The following MYO7B variants were observed in gnomAD, a reference collection of about 807,000 sequenced individuals.
MYO7B encodes the protein myosin VIIB.
In MYO7B, 212 loss-of-function variants were observed where a neutral mutation model predicts 259.7. The ratio of observed to expected loss-of-function variants is 0.82; its 90% CI spans 0.73 to 0.91. MYO7B has a LOEUF of 0.91. Among genes scored for constraint, MYO7B ranks in the 40% least tolerant of loss-of-function variants. MYO7B has a pLI of 0.00. For synonymous variants in MYO7B, 1,197 were observed against 1,166.4 expected, an observed-to-expected ratio of 1.03 and a Z score of -0.54; for missense variants, 2,732 against 2,813.5, an observed-to-expected ratio of 0.97 and a Z score of 0.66.
In MYO7B at chr2:127,607,307, G is replaced by C. The variant is rs1225555731; in HGVS notation, c.2526G>C (p.Leu842=). The C allele has an allele frequency of 6.4e-7, 1 of 1,551,422 alleles. No homozygotes were observed. The highest frequency in any genetic ancestry group is 1.2e-5 in the South Asian group (1 of 84,070). The part of the protein sequence containing the change: ...MRQRTVQLQA[L]CRGYLVRQQV... ...AGAGGACAGTCCAGCTGCAGGCCCT[G>C]TGCAGGGGATACCTGGTGCGCCAGC... The change falls in exon 21 of 48, where the codon CTG becomes CTC. Residue 842 remains leucine (L), a synonymous_variant. Coordinates refer to ENST00000409816, the MANE Select transcript of MYO7B (RefSeq NM_001393586.1). The surrounding 1 kb of genome is among the most constrained non-coding windows in gnomAD (Gnocchi z 4.4).
intron 16 of MYO7B, 44 bp from the exon 17 acceptor site, chr2:127,592,750 A>G (rs1466597792): frequency 7.0e-6 from 11 of 1,581,948 alleles, no homozygotes; most frequent in East Asian, 2.3e-5. Flanking sequence ...GGGTGGCTGG[A>G]AAGTGGGGCT....
intron 1 of MYO7B, among the ~76,000 whole-genome samples, chr2:127,558,582 T>C (rs562343841): frequency 5.3e-5 from 8 of 152,128 alleles, no homozygotes; most frequent in Non-Finnish European, 1.2e-4. Flanking sequence ...ATTGCAAAAA[T>C]GTGGAACCAG....
intron 18 of MYO7B, among the ~76,000 whole-genome samples, chr2:127,595,850 TC>T (rs1307206218): frequency 3.3e-5 from 5 of 152,220 alleles, no homozygotes; most frequent in African/African-American, 1.2e-4. Context: ...TGTTTTCCGT[TC>T]TTTTGCATTT....
chr2:127,567,880 G>C (rs1394581772), intron 5 of MYO7B, among the ~76,000 whole-genome samples: 1 of 152,154 alleles, frequency 6.6e-6, no homozygotes, highest in Non-Finnish European at 1.5e-5. Flanking sequence ...ACACAGCAGG[G>C]GAGAGGAAAG....
In MYO7B at chr2:127,634,698, G is replaced by C. The variant is rs1275419828; in HGVS notation, c.5713+15G>C. 6.2e-7 allele frequency: 1 copy of C among 1,601,518 alleles called. No individual in the cohort carries two copies. The highest frequency in any genetic ancestry group is 1.4e-5 in the African/African-American group (1 of 69,832). ...CCAGAAAGAAGGTGAGGAGGCCTCT[G>C]TGGAGCTGGGGGAGGGCGTGGCTGG... is the stretch of plus-strand genomic sequence containing the variant. On this transcript the variant is annotated intron_variant, in intron 42 of 47. Coordinates refer to ENST00000409816, the MANE Select transcript of MYO7B (RefSeq NM_001393586.1).
chr2:127,609,578 G>A lies in MYO7B; in HGVS notation c.2887G>A (p.Glu963Lys), dbSNP rs377086355. 3 of 1,613,996 alleles carry A rather than the reference G, an allele frequency of 1.9e-6. No individual in the cohort carries two copies. Among genetic ancestry groups the A allele is most frequent in the Middle Eastern group, 1.6e-4 (1 of 6,062 alleles). Residue 963 changes from glutamate to lysine, a missense_variant, in exon 23 of 48, where the codon GAG (glutamate) becomes AAG (lysine). This residue lies in a region of MYO7B where 1,906 missense variants were observed against 2,026.4 expected (regional missense o/e 0.94). Transcript: ENST00000409816. The surrounding 1 kb of genome is among the most constrained non-coding windows in gnomAD (Gnocchi z 6.9). ...DTVPMAEEPEEDVDGLAEYTF... is the reference protein window; with the variant it reads ...DTVPMAEEPEKDVDGLAEYTF... ...AGTCCCCATGGCGGAGGAGCCTGAG[G>A]AGGATGTGGATGGCCTGGCCGAGTA...
chr2:127,567,456 T>TG (rs1425681732), intron 5 of MYO7B, among the ~76,000 whole-genome samples: 1 of 152,148 alleles, frequency 6.6e-6, no homozygotes, highest in East Asian at 1.9e-4. Flanking sequence ...ACTCCCTGCC[T>TG]GGCCTGGCCT....
chr2:127,635,562 A>AGAGT, intron 43 of MYO7B, 160 bp from the exon 44 acceptor site: 1 of 800,080 alleles, frequency 1.2e-6, no homozygotes, highest in East Asian at 2.7e-5. Flanking sequence ...CCCTGCCCTG[A>AGAGT]CTCAGGGTCA....
chr2:127,631,062 C>A (rs1681472414), intron 36 of MYO7B, 144 bp from the exon 37 acceptor site: 1 of 1,376,332 alleles, frequency 7.3e-7, no homozygotes, highest in Non-Finnish European at 9.8e-7. Flanking sequence ...GCCTGGCCTT[C>A]CCAGGCCAGG....
chr2:127,634,453 G>T, intron 41 of MYO7B, 143 bp from the exon 42 acceptor site: 1 of 880,228 alleles, frequency 1.1e-6, no homozygotes, highest in Non-Finnish European at 1.8e-6. Context: ...AGCAGAGCCA[G>T]CTCCACACGC....
In MYO7B at chr2:127,633,248, TC is replaced by T. The variant is rs369735300; in HGVS notation, c.5406-5del. 2 of 1,601,154 alleles carry T rather than the reference TC, an allele frequency of 1.2e-6. No homozygotes were observed. The highest frequency in any genetic ancestry group is 1.7e-6 in the Non-Finnish European group (2 of 1,173,702). On this transcript the variant is annotated splice_polypyrimidine_tract_variant and intron_variant, in intron 39 of 47. Transcript: ENST00000409816. ...GGGGTGGCACCTGCAGCACACGCTG[TC>T]CCCCTCAGGACGGGGCCCCGGAAGC...
intron 14 of MYO7B, among the ~76,000 whole-genome samples, chr2:127,587,435 G>T (rs1333424248): frequency 6.6e-6 from 1 of 152,168 alleles, no homozygotes; most frequent in Non-Finnish European, 1.5e-5. Context: ...CAAGATCAAG[G>T]TGCTGGCAGG....
In MYO7B at chr2:127,628,625, C is replaced by T. The variant is rs1251139280; in HGVS notation, c.4624+90C>T. On this transcript the variant is annotated intron_variant, in intron 34 of 47. Transcript: ENST00000409816. This position sits in a 1 kb window ranked among gnomAD's most constrained non-coding sequence, Gnocchi z 4.8. ...TAGGTAGGTGGCATGCTCATCTCCA[C>T]ACAGCAGCCACAAGGCAAGCAGAGG... 2.3e-6 allele frequency: 3 copies of T among 1,327,354 alleles called. No homozygotes were observed. Among genetic ancestry groups the T allele is most frequent in the East Asian group, 2.5e-5 (1 of 39,630 alleles). 82.2% of individuals were successfully genotyped at this position (1,327,354 alleles called of 1,614,324 possible). A position where few individuals can be genotyped will look rare whatever the true frequency, so the allele number is the denominator to read the frequency against.
Position 127,620,454 on chromosome 2 carries a change from G to A in MYO7B, c.3513G>A (p.Glu1171=), listed in dbSNP as rs755742465. ...SLCLGCFPPS[E]RFMKYLLNFI... ...GCCTCGGCTGCTTCCCACCCTCAGA[G>A]AGGTTCATGAAGGTGAGAGGGTTCA... Residue 1171 remains glutamate, a synonymous_variant, in exon 27 of 48, where the codon GAG becomes GAA. Transcript: ENST00000409816. 2.6e-6 allele frequency: 4 copies of A among 1,550,374 alleles called. No homozygotes were observed. The highest frequency in any genetic ancestry group is 1.8e-6 in the Non-Finnish European group (2 of 1,138,326).
At chr2:127,543,806 G>C (rs1280589133) in intron 1 of MYO7B, among the ~76,000 whole-genome samples, 3 of 151,252 alleles carry the variant, frequency 2.0e-5, no homozygotes, top group African/African-American at 4.9e-5. Flanking sequence ...GTGCAGTGGC[G>C]CGATCTTGCC....
At chr2:127,561,289 G>A (rs1025697829) in intron 2 of MYO7B, among the ~76,000 whole-genome samples, 7 of 150,624 alleles carry the variant, frequency 4.6e-5, no homozygotes, top group Non-Finnish European at 5.9e-5. Flanking sequence ...TTTTTAGACA[G>A]AGTCTTACTC....
intron 16 of MYO7B, among the ~76,000 whole-genome samples, chr2:127,592,122 G>T (rs759888062): frequency 7.9e-5 from 12 of 152,246 alleles, no homozygotes; most frequent in Non-Finnish European, 1.8e-4. Context: ...GGCCAGGCGC[G>T]GTGGCTCAGG....
chr2:127,582,010 G>A lies in MYO7B; in HGVS notation c.1200G>A (p.Lys400=). 6.2e-7 allele frequency: 1 copy of A among 1,613,750 alleles called. No individual in the cohort carries two copies. ...CTGACCGGAGGGACGCCTTTGTCAAGGTACAGAGCTGAGAGAGCAGGGCTT... is the reference window on the plus strand; with the variant it reads ...CTGACCGGAGGGACGCCTTTGTCAAAGTACAGAGCTGAGAGAGCAGGGCTT... ...QAADRRDAFV[K]GIYGHLFLWI... Residue 400 remains lysine, a splice_region_variant and synonymous_variant, in exon 11 of 48, where the codon AAG becomes AAA. Transcript: ENST00000409816.
chr2:127,549,237 T>C lies in MYO7B; in HGVS notation c.-23-10463T>C, dbSNP rs569201017. On this transcript the variant is annotated intron_variant, in intron 1 of 47. Coordinates refer to ENST00000409816, the MANE Select transcript of MYO7B (RefSeq NM_001393586.1). ...ATGTATCTAGCTCTATTTTGATTAGTATAAGCAACCTAATACTAACCCAAC... is the reference window on the plus strand; with the variant it reads ...ATGTATCTAGCTCTATTTTGATTAGCATAAGCAACCTAATACTAACCCAAC... Among the ~76,000 whole-genome samples, 12 of 152,268 alleles carry C rather than the reference T, an allele frequency of 7.9e-5. No individual in the cohort carries two copies. In the East Asian group the frequency reaches 2.1e-3, roughly 27 times the overall value.
Sources: allele counts gnomAD v4.1 joint callset (sites outside exome capture counted in the v4.1 genomes callset), GRCh38; gene constraint gnomAD v4.1.1; regional missense constraint gnomAD v4.1.1; non-coding constraint Gnocchi (gnomAD v3.1); transcripts MANE v1.5; gene names NCBI Gene and HGNC (gene_info 2026-07-23, HGNC 2026-07-21).